CCDC7: variants seen among roughly 807,000 people sequenced by gnomAD.
The protein encoded by CCDC7 is coiled-coil domain-containing protein 7.
A neutral mutation model predicts 196.9 loss-of-function variants in CCDC7; 183 were observed. The observed-to-expected ratio is 0.93, with a 90% confidence interval of 0.82 to 1.05. The LOEUF is 1.05. Among genes scored for constraint, CCDC7 ranks in the 50% least tolerant of loss-of-function variants. The pLI, the probability that CCDC7 is intolerant of heterozygous loss-of-function variation, is 0.00. For synonymous variants in CCDC7, 525 were observed against 484.6 expected, an observed-to-expected ratio of 1.08 and a Z score of -1.10; for missense variants, 1,540 against 1,482.2, an observed-to-expected ratio of 1.04 and a Z score of -0.64.
intron 3 of CCDC7, among the ~76,000 whole-genome samples, chr10:32,462,141 T>C (rs939804758): frequency 6.6e-6 from 1 of 151,986 alleles, no homozygotes; most frequent in Non-Finnish European, 1.5e-5. Flanking sequence ...AATATAGATA[T>C]ATTAGGGCCA....
exon 7 of CCDC7, chr10:32,472,524 C>T: frequency 6.3e-7 from 1 of 1,585,334 alleles, no homozygotes; most frequent in South Asian, 1.2e-5. Context: ...TTGTGAAGCT[C>T]TGGCACAGAA....
rs777034270 is a variant in CCDC7, at chr10:32,729,288, G to T, written c.2780-44G>T. On this transcript the variant is annotated intron_variant, in intron 27 of 41. Transcript: ENST00000639629. ...GGGTTGAAATTCTGATGATTACTTG[G>T]CATATCCAGAAGTTCTATTGCACAT... 11 of 1,490,266 alleles carry T rather than the reference G, an allele frequency of 7.4e-6. No individual in the cohort carries two copies. The Admixed American group carries it at 1.2e-4, about 16-fold the overall frequency. The allele number at this position is 1,490,266 out of a possible 1,614,324, so 92.3% of individuals were successfully genotyped here.
intron 20 of CCDC7, among the ~76,000 whole-genome samples, chr10:32,663,502 T>A (rs1160361767): frequency 6.6e-6 from 1 of 152,204 alleles, no homozygotes; most frequent in Non-Finnish European, 1.5e-5. Flanking sequence ...ACTTGATATC[T>A]TTCTTCTATT....
At chr10:32,707,660 G>T (rs1275813288) in intron 24 of CCDC7, among the ~76,000 whole-genome samples, 1 of 151,800 alleles carries the variant, frequency 6.6e-6, no homozygotes, top group Non-Finnish European at 1.5e-5. Flanking sequence ...AATCACAAAC[G>T]TTCCTACACA....
At chr10:32,524,955 G>C (rs189225760) in intron 11 of CCDC7, among the ~76,000 whole-genome samples, 1 of 152,040 alleles carries the variant, frequency 6.6e-6, no homozygotes, top group Non-Finnish European at 1.5e-5. Context: ...TTATCCCTTT[G>C]AATAAACTAT....
chr10:32,807,811 T>C (rs1369958321), intron 30 of CCDC7, among the ~76,000 whole-genome samples: 1 of 151,848 alleles, frequency 6.6e-6, no homozygotes, highest in East Asian at 2.0e-4. Context: ...GTGCCTTTTT[T>C]CCTCTGCCTC....
chr10:32,639,729 G>T (rs554910846), intron 20 of CCDC7, among the ~76,000 whole-genome samples: 1 of 150,526 alleles, frequency 6.6e-6, no homozygotes, highest in South Asian at 2.1e-4. Flanking sequence ...CTGGCTTCAC[G>T]CCATTCTCCT....
chr10:32,519,990 G>C (rs75472987), intron 11 of CCDC7, among the ~76,000 whole-genome samples: 1,913 of 152,062 alleles, frequency 0.013, 35 homozygotes, highest in African/African-American at 0.043. Flanking sequence ...TCTATGCCTG[G>C]CCTATTTCAT....
intron 5 of CCDC7, among the ~76,000 whole-genome samples, chr10:32,468,309 G>A (rs970919968): frequency 4.0e-5 from 6 of 150,246 alleles, no homozygotes; most frequent in African/African-American, 1.5e-4. Flanking sequence ...CACCTCCCTG[G>A]TTAGCTGTAT....
intron 41 of CCDC7, among the ~76,000 whole-genome samples, chr10:32,873,480 A>G (rs914718001): frequency 6.6e-6 from 1 of 151,558 alleles, no homozygotes; most frequent in Non-Finnish European, 1.5e-5. Context: ...GTGGGTTCGA[A>G]CTTCCTCCTT....
intron 21 of CCDC7, among the ~76,000 whole-genome samples, chr10:32,674,083 A>T (rs1309924591): frequency 6.7e-6 from 1 of 149,530 alleles, no homozygotes; most frequent in East Asian, 2.0e-4. Flanking sequence ...AATTTTTTCT[A>T]TATTTTTTTC....
At chr10:32,497,129 T>C (rs1459355786) in intron 9 of CCDC7, among the ~76,000 whole-genome samples, 1 of 152,218 alleles carries the variant, frequency 6.6e-6, no homozygotes, top group East Asian at 1.9e-4. Context: ...GGAGGGTGTA[T>C]GTGTCCTGGA....
chr10:32,858,574 T>TC (rs1203212260), intron 41 of CCDC7, among the ~76,000 whole-genome samples: 1 of 152,124 alleles, frequency 6.6e-6, no homozygotes, highest in Non-Finnish European at 1.5e-5. Flanking sequence ...TCTCAGATGA[T>TC]CCCCCATGAT....
chr10:32,599,585 T>G (rs1199877500), intron 18 of CCDC7, among the ~76,000 whole-genome samples: 13 of 152,178 alleles, frequency 8.5e-5, no homozygotes, highest in Admixed American at 8.5e-4. Flanking sequence ...TTGTGTATGT[T>G]TTTAGATTTT....
chr10:32,820,484 C>T (rs539742275), intron 31 of CCDC7, among the ~76,000 whole-genome samples: 3 of 152,224 alleles, frequency 2.0e-5, no homozygotes, highest in South Asian at 4.2e-4. Context: ...TCATATGGAA[C>T]CAAAAAAGAG....
chr10:32,468,089 G>T (rs1251847873), intron 5 of CCDC7, among the ~76,000 whole-genome samples: 2 of 152,076 alleles, frequency 1.3e-5, no homozygotes, highest in Admixed American at 6.6e-5. Flanking sequence ...GTTCCAATAT[G>T]AGCTTAAAAT....
At chr10:32,847,782 A>G in intron 37 of CCDC7, 51 bp from the exon 39 acceptor site, 7 of 1,109,706 alleles carry the variant, frequency 6.3e-6, no homozygotes, top group Non-Finnish European at 9.3e-6. Context: ...TACATGTGTA[A>G]CATAAATGGT....
intron 18 of CCDC7, among the ~76,000 whole-genome samples, chr10:32,601,503 T>C (rs1176998908): frequency 6.6e-6 from 1 of 152,194 alleles, no homozygotes; most frequent in East Asian, 1.9e-4. Context: ...GTTTGGGAGT[T>C]TGGAGCTTTC....
intron 20 of CCDC7, among the ~76,000 whole-genome samples, chr10:32,650,845 G>A (rs928472404): frequency 1.3e-5 from 2 of 152,178 alleles, no homozygotes; most frequent in Admixed American, 1.3e-4. Flanking sequence ...CACTCAGGTG[G>A]AGCAAAACAC....
Sources: allele counts gnomAD v4.1 joint callset (sites outside exome capture counted in the v4.1 genomes callset), GRCh38; gene constraint gnomAD v4.1.1; transcripts MANE v1.5; gene names NCBI Gene and HGNC (gene_info 2026-07-23, HGNC 2026-07-21).